The following PTPRJ variants were observed in gnomAD, a reference collection of about 807,000 sequenced individuals.
The protein encoded by PTPRJ is receptor-type tyrosine-protein phosphatase eta.
Under a neutral mutation model 141.3 loss-of-function variants are expected in PTPRJ, and 129 were observed. The observed-to-expected ratio is 0.91, with a 90% CI of 0.79 to 1.06. PTPRJ has a LOEUF of 1.06. Among genes scored for constraint, PTPRJ ranks in the 50% least tolerant of loss-of-function variants. The pLI, the probability that PTPRJ is intolerant of heterozygous loss-of-function variation, is 0.00. For synonymous variants in PTPRJ, 610 were observed against 640.5 expected (o/e 0.95, Z 0.72); for missense variants, 1,601 against 1,679.7 (o/e 0.95, Z 0.82).
intron 1 of PTPRJ, among the ~76,000 whole-genome samples, chr11:47,998,491 G>A (rs889299571): frequency 1.5e-4 from 23 of 152,212 alleles, no homozygotes; most frequent in Admixed American, 7.9e-4. Flanking sequence ...GAGAGGTGGA[G>A]GGACTTGCCC....
chr11:48,040,540 C>T (rs79695495), intron 1 of PTPRJ, among the ~76,000 whole-genome samples: 1,763 of 152,060 alleles, frequency 0.012, 41 homozygotes, highest in African/African-American at 0.041. Flanking sequence ...CTCCTTGTTG[C>T]CTTCAGGGTG....
At chr11:48,153,377 A>G (rs1857527944) in intron 18 of PTPRJ, among the ~76,000 whole-genome samples, 1 of 151,724 alleles carries the variant, frequency 6.6e-6, no homozygotes, top group Admixed American at 6.6e-5. Context: ...TACTAAAAAT[A>G]CAAAAAATTA....
chr11:47,994,136 C>T (rs1854270235), intron 1 of PTPRJ, among the ~76,000 whole-genome samples: 2 of 150,514 alleles, frequency 1.3e-5, no homozygotes, highest in South Asian at 4.2e-4. Flanking sequence ...GCTGGGATTA[C>T]AGTTGTGAGC....
chr11:48,039,143 CT>C, intron 1 of PTPRJ, among the ~76,000 whole-genome samples: 1 of 142,730 alleles, frequency 7.0e-6, no homozygotes, highest in Non-Finnish European at 1.5e-5. Context: ...GAGCGAGAGT[CT>C]GTCTCAAAAA....
intron 1 of PTPRJ, among the ~76,000 whole-genome samples, chr11:48,097,207 C>T (rs1856029020): frequency 6.6e-6 from 1 of 152,052 alleles, no homozygotes; most frequent in East Asian, 1.9e-4. Context: ...TTATGCTCGT[C>T]CTCATAGAAG....
intron 15 of PTPRJ, among the ~76,000 whole-genome samples, chr11:48,148,033 C>T (rs533094846): frequency 5.9e-5 from 9 of 152,036 alleles, no homozygotes; most frequent in African/African-American, 1.4e-4. Context: ...TTAGTAGAGA[C>T]GGAGTTTCAC....
chr11:48,079,791 C>T lies in PTPRJ; in HGVS notation c.97-30267C>T, dbSNP rs537462243. On this transcript the variant is annotated intron_variant, in intron 1 of 24. Transcript: ENST00000418331. ...TAGGGGAAGCTGATGACTGCTTTAGCGTAAAGAGAGGGCCAGGAGGTCAAC... is the reference window on the plus strand; with the variant it reads ...TAGGGGAAGCTGATGACTGCTTTAGTGTAAAGAGAGGGCCAGGAGGTCAAC... Among the ~76,000 whole-genome samples the T allele has an allele frequency of 7.9e-5, 12 of 152,218 alleles. No individual in the cohort carries two copies. In the East Asian group the frequency reaches 2.3e-3, roughly 29 times the overall value.
chr11:48,127,674 A>T, intron 6 of PTPRJ, 106 bp from the exon 7 acceptor site: 1 of 1,192,380 alleles, frequency 8.4e-7, no homozygotes, highest in Non-Finnish European at 1.2e-6. Context: ...AGGAAGGAAC[A>T]CTCCCCCAGG....
chr11:48,130,227 A>AT (rs1456626024), intron 7 of PTPRJ, among the ~76,000 whole-genome samples: 1 of 151,624 alleles, frequency 6.6e-6, no homozygotes, highest in African/African-American at 2.4e-5. Context: ...CCTGTGAATG[A>AT]TTGTGTGCAA....
At chr11:48,140,176 A>G (rs1387998204) in intron 11 of PTPRJ, among the ~76,000 whole-genome samples, 33 of 152,314 alleles carry the variant, frequency 2.2e-4, no homozygotes, top group Non-Finnish European at 1.8e-4. Flanking sequence ...CTGGGACTAC[A>G]GACACATGTC....
intron 1 of PTPRJ, among the ~76,000 whole-genome samples, chr11:48,065,219 G>C (rs1230929698): frequency 6.6e-6 from 1 of 151,762 alleles, no homozygotes; most frequent in Admixed American, 6.6e-5. Context: ...TCTCCATGTT[G>C]GTCAGGCTGG....
At chr11:48,140,989 T>C (rs183906904) in intron 11 of PTPRJ, among the ~76,000 whole-genome samples, 1 of 152,244 alleles carries the variant, frequency 6.6e-6, no homozygotes, top group East Asian at 1.9e-4. Context: ...TAGACAATTA[T>C]GTTGTGGTTG....
chr11:48,077,569 C>G (rs745433145), intron 1 of PTPRJ, among the ~76,000 whole-genome samples: 2 of 152,202 alleles, frequency 1.3e-5, no homozygotes, highest in African/African-American at 4.8e-5. Flanking sequence ...AGGACTCCCC[C>G]CGACAGCCTT....
intron 1 of PTPRJ, among the ~76,000 whole-genome samples, chr11:48,106,763 CTTTTTTT>C (rs35643138): frequency 2.5e-4 from 22 of 86,452 alleles, no homozygotes; most frequent in Admixed American, 5.3e-4. Flanking sequence ...TTCTTTCTTT[CTTTTTTT>C]TTTTTTTTTT....
Position 48,002,133 on chromosome 11 carries a change from TA to T in PTPRJ, c.96+21128del, listed in dbSNP as rs1466072255. Among the ~76,000 whole-genome samples, 7 of 139,124 alleles carry T rather than the reference TA, an allele frequency of 5.0e-5. No homozygotes were observed. The South Asian group carries it at 1.3e-3, about 26-fold the overall frequency. The allele number at this position is 139,124 out of a possible 152,430, so 91.3% of individuals were successfully genotyped here. A position where few individuals can be genotyped will look rare whatever the true frequency, so the allele number is the denominator to read the frequency against. On this transcript the variant is annotated intron_variant, in intron 1 of 24. Coordinates refer to ENST00000418331, the MANE Select transcript of PTPRJ (RefSeq NM_002843.4). ...GGGCAAATGAGTGCATTTTCCTATT[TA>T]AATTTTTTTTTTTTTTTTTTTGAGA...
intron 1 of PTPRJ, among the ~76,000 whole-genome samples, chr11:48,007,995 C>G (rs984728404): frequency 1.1e-4 from 16 of 152,244 alleles, no homozygotes; most frequent in African/African-American, 3.9e-4. Context: ...CTTCCCGACA[C>G]TAAAGATACA....
chr11:48,093,968 A>G (rs1463701862), intron 1 of PTPRJ, among the ~76,000 whole-genome samples: 1 of 152,208 alleles, frequency 6.6e-6, no homozygotes, highest in Non-Finnish European at 1.5e-5. Flanking sequence ...TTAACTGCTG[A>G]CCTTGCCATC....
intron 1 of PTPRJ, among the ~76,000 whole-genome samples, chr11:47,997,525 C>T (rs924333885): frequency 3.3e-5 from 5 of 152,156 alleles, no homozygotes; most frequent in Non-Finnish European, 5.9e-5. Flanking sequence ...GTTTGTGCTG[C>T]GTCTGGGCAT....
At position 48,164,452 on chromosome 11, in the gene PTPRJ, C is replaced by G; in HGVS notation, c.3792C>G (p.Thr1264=). 1 of 1,613,860 alleles carries G rather than the reference C, an allele frequency of 6.2e-7. No homozygotes were observed. Among genetic ancestry groups the G allele is most frequent in the East Asian group, 2.2e-5 (1 of 44,876 alleles). ...RLIYQIENEN[T]VDVYGIVYDL... ...TCTACCAGATAGAGAATGAGAACAC[C>G]GTGGATGTGTATGGGATTGTGTATG... Residue 1264 remains threonine, a synonymous_variant, in exon 24 of 25, where the codon ACC becomes ACG. Transcript: ENST00000418331.
Sources: allele counts gnomAD v4.1 joint callset (sites outside exome capture counted in the v4.1 genomes callset), GRCh38; gene constraint gnomAD v4.1.1; transcripts MANE v1.5; gene names NCBI Gene and HGNC (gene_info 2026-07-23, HGNC 2026-07-21).